Variants in PITPNM3 observed in about 807,000 individuals in gnomAD.
PITPNM3 encodes membrane-associated phosphatidylinositol transfer protein 3.
In PITPNM3, 26 loss-of-function variants were observed where a neutral mutation model predicts 102.0. That is an observed-to-expected ratio of 0.25 (90% CI 0.19 to 0.35). The LOEUF (loss-of-function observed/expected upper bound fraction) is 0.35, where lower values mean the gene tolerates loss of function less well. Ranked by LOEUF, PITPNM3 falls within the 10% of genes least tolerant of loss-of-function variation. PITPNM3 has a pLI of 1.00. For synonymous variants in PITPNM3, 578 were observed against 558.6 expected (o/e 1.03, Z -0.49); for missense variants, 1,083 against 1,346.1 (o/e 0.80, Z 3.06).
At chr17:6,543,391 A>G (rs1425788606) in intron 1 of PITPNM3, among the ~76,000 whole-genome samples, 1 of 152,168 alleles carries the variant, frequency 6.6e-6, no homozygotes, top group Admixed American at 6.5e-5. Context: ...GGCGTCTCCT[A>G]TGTGTGTTCT....
At chr17:6,548,788 A>G (rs1910162594) in intron 1 of PITPNM3, among the ~76,000 whole-genome samples, 1 of 152,132 alleles carries the variant, frequency 6.6e-6, no homozygotes, top group African/African-American at 2.4e-5. Flanking sequence ...AGAGCCAGGC[A>G]AACACGGTGT....
At chr17:6,503,119 A>T (rs1458027925) in intron 4 of PITPNM3, among the ~76,000 whole-genome samples, 3 of 152,124 alleles carry the variant, frequency 2.0e-5, no homozygotes, top group Admixed American at 2.0e-4. Context: ...GGTTCCTGGA[A>T]GTTGTGTCAC....
intron 3 of PITPNM3, among the ~76,000 whole-genome samples, chr17:6,515,083 G>T (rs1227104557): frequency 3.3e-5 from 5 of 152,118 alleles, no homozygotes; most frequent in Non-Finnish European, 5.9e-5. Flanking sequence ...TGGGTATGGG[G>T]TTTCTTTTTT....
chr17:6,514,508 A>C (rs895705225), intron 3 of PITPNM3, among the ~76,000 whole-genome samples: 2 of 152,258 alleles, frequency 1.3e-5, no homozygotes, highest in African/African-American at 2.4e-5. Flanking sequence ...AAAGATGCTC[A>C]ACATCATTAG....
At chr17:6,541,342 T>C (rs1208418606) in intron 1 of PITPNM3, among the ~76,000 whole-genome samples, 1 of 149,942 alleles carries the variant, frequency 6.7e-6, no homozygotes, top group Non-Finnish European at 1.5e-5. Context: ...TGCACATACA[T>C]GTGTGGGATG....
At chr17:6,490,689 C>A (rs549239606) in intron 4 of PITPNM3, among the ~76,000 whole-genome samples, 39 of 152,062 alleles carry the variant, frequency 2.6e-4, no homozygotes, top group African/African-American at 8.4e-4. Context: ...GGCGCAGTGG[C>A]TCATGCCTAT....
intron 4 of PITPNM3, among the ~76,000 whole-genome samples, chr17:6,490,676 C>A (rs1039873686): frequency 6.6e-6 from 1 of 151,910 alleles, no homozygotes; most frequent in Non-Finnish European, 1.5e-5. Flanking sequence ...AGCAGTGGGG[C>A]CGGGCGCAGT....
Position 6,478,600 on chromosome 17 carries a change from G to C in PITPNM3, c.724C>G (p.Gln242Glu). The change falls in exon 7 of 20, where the codon CAG becomes GAG. Residue 242 changes from glutamine to glutamate, a missense_variant. By Grantham distance (29) the Gln-to-Glu change is conservative. Transcript: ENST00000262483. The surrounding 1 kb of genome is among the most constrained non-coding windows in gnomAD (Gnocchi z 4.4). ...GACTTCAGGAACTCTCTGTAGACCT[G>C]GTTGGCTCGCTCGATGACGGTGGCG... ...AVATVIERAN[Q>E]VYREFLKSSD... 1 of 1,614,138 alleles carries C rather than the reference G, an allele frequency of 6.2e-7. No individual in the cohort carries two copies. Among genetic ancestry groups the C allele is most frequent in the Non-Finnish European group, 8.5e-7 (1 of 1,180,038 alleles).
chr17:6,481,870 AGAGAGAGAGAGAGAG>A (rs1263240540), intron 6 of PITPNM3: 1 of 96,310 alleles, frequency 1.0e-5, no homozygotes, highest in Non-Finnish European at 2.4e-5. Context: ...AGAGAGAGAG[AGAGAGAGAGAGAGAG>A]AGAGAGAGAG....
intron 15 of PITPNM3, 151 bp downstream of exon 15, chr17:6,464,504 G>T (rs978554179): frequency 1.9e-6 from 2 of 1,048,228 alleles, no homozygotes; most frequent in African/African-American, 1.6e-5. Context: ...ACCCTTCCCG[G>T]CCCGCCCAAG....
In PITPNM3 at chr17:6,468,348, A is replaced by G. The variant is rs1388657274; in HGVS notation, c.1774-7T>C. On this transcript the variant is annotated splice_polypyrimidine_tract_variant and splice_region_variant and intron_variant, in intron 13 of 19. Transcript: ENST00000262483. The surrounding 1 kb of genome is among the most constrained non-coding windows in gnomAD (Gnocchi z 5.2). Reference sequence around the variant, plus strand: ...CGCTCTCATAGCGCATTACCTAGCCAAGAGCCGAGCAGGGCCCCGGTCAGG... The same window carrying G: ...CGCTCTCATAGCGCATTACCTAGCCGAGAGCCGAGCAGGGCCCCGGTCAGG... 6.2e-7 allele frequency: 1 copy of G among 1,613,808 alleles called. No individual in the cohort carries two copies. Among genetic ancestry groups the G allele is most frequent in the Non-Finnish European group, 8.5e-7 (1 of 1,179,884 alleles).
At chr17:6,523,363 T>C (rs1908650116) in intron 3 of PITPNM3, among the ~76,000 whole-genome samples, 2 of 152,318 alleles carry the variant, frequency 1.3e-5, no homozygotes, top group South Asian at 4.1e-4. Flanking sequence ...TGACTTTTCC[T>C]GACCACACAG....
intron 3 of PITPNM3, among the ~76,000 whole-genome samples, chr17:6,512,893 A>G (rs1025941261): frequency 6.6e-6 from 1 of 152,190 alleles, no homozygotes; most frequent in Non-Finnish European, 1.5e-5. Context: ...ATTATCCTAG[A>G]AGAGATATAT....
At chr17:6,527,831 A>G (rs1908919039) in intron 2 of PITPNM3, among the ~76,000 whole-genome samples, 1 of 152,236 alleles carries the variant, frequency 6.6e-6, no homozygotes, top group Admixed American at 6.5e-5. Context: ...GCAGGCACTC[A>G]GCACATCCTA....
intron 12 of PITPNM3, 148 bp downstream of exon 12, chr17:6,471,012 TA>T: frequency 1.1e-6 from 1 of 914,508 alleles, no homozygotes; most frequent in Non-Finnish European, 1.7e-6. Context: ...CCCAGCTCTC[TA>T]AAGGCAGAAG....
intron 1 of PITPNM3, among the ~76,000 whole-genome samples, chr17:6,549,643 C>T (rs1186383639): frequency 6.6e-6 from 1 of 152,232 alleles, no homozygotes; most frequent in Non-Finnish European, 1.5e-5. Context: ...CCTCCTATTC[C>T]ATTTGCAAAA....
At chr17:6,490,400 G>A (rs1906385192) in intron 4 of PITPNM3, among the ~76,000 whole-genome samples, 1 of 152,122 alleles carries the variant, frequency 6.6e-6, no homozygotes, top group African/African-American at 2.4e-5. Flanking sequence ...GAGATTCTAT[G>A]AGTCCAAGCA....
At chr17:6,455,922 T>C (rs1383803210) in intron 19 of PITPNM3, among the ~76,000 whole-genome samples, 2 of 152,024 alleles carry the variant, frequency 1.3e-5, no homozygotes, top group East Asian at 3.9e-4. Context: ...AGCTCTTTAC[T>C]GTTCCAGGGT....
chr17:6,492,069 T>TC (rs1475801718), intron 4 of PITPNM3, among the ~76,000 whole-genome samples: 6 of 149,328 alleles, frequency 4.0e-5, no homozygotes, highest in Non-Finnish European at 9.0e-5. Flanking sequence ...AAGGAACTTT[T>TC]TTTTTTTTTT....
Sources: allele counts gnomAD v4.1 joint callset (sites outside exome capture counted in the v4.1 genomes callset), GRCh38; gene constraint gnomAD v4.1.1; non-coding constraint Gnocchi (gnomAD v3.1); transcripts MANE v1.5; gene names NCBI Gene and HGNC (gene_info 2026-07-23, HGNC 2026-07-21).